Variants in INTS6L observed in about 807,000 individuals in gnomAD.
INTS6L encodes the protein integrator complex subunit 6-like.
INTS6L carries 18 observed loss-of-function variants against 64.7 expected under a neutral mutation model. The observed-to-expected ratio is 0.28, with a 90% CI of 0.19 to 0.41. INTS6L has a LOEUF of 0.41. Among genes scored for constraint, INTS6L ranks in the 10% least tolerant of loss-of-function variants. The probability of loss-of-function intolerance (pLI) is 1.00; values close to 1 mark genes in which losing one functional copy is unlikely to be tolerated. For synonymous variants in INTS6L, 227 were observed against 235.9 expected (o/e 0.96, Z 0.34); for missense variants, 533 against 661.0 (o/e 0.81, Z 2.12).
intron 9 of INTS6L, among the ~76,000 whole-genome samples, chrX:135,559,648 A>G (rs1324108803): frequency 2.7e-5 from 3 of 112,548 alleles, no homozygotes; most frequent in Admixed American, 9.4e-5. Flanking sequence ...TCTATGAGAT[A>G]AATGCCCAGG....
At chrX:135,566,861 A>G (rs1602984557) in intron 9 of INTS6L, among the ~76,000 whole-genome samples, 1 of 111,729 alleles carries the variant, frequency 9.0e-6, no homozygotes, top group Non-Finnish European at 1.9e-5. Flanking sequence ...AGAACTGAGG[A>G]CTTGTGTAAA....
At chrX:135,548,803 A>G (rs1408283884) in intron 6 of INTS6L, among the ~76,000 whole-genome samples, 1 of 112,221 alleles carries the variant, frequency 8.9e-6, no homozygotes, top group Non-Finnish European at 1.9e-5. Flanking sequence ...ATTTAAGAAA[A>G]ATGAGACTCA....
intron 2 of INTS6L, among the ~76,000 whole-genome samples, chrX:135,542,182 T>G (rs1381127944): frequency 9.0e-6 from 1 of 111,413 alleles, no homozygotes; most frequent in African/African-American, 3.3e-5. Flanking sequence ...ACAAACAATG[T>G]CAGAGATTTA....
At chrX:135,523,259 G>A (rs916657920) in intron 2 of INTS6L, among the ~76,000 whole-genome samples, 2 of 109,576 alleles carry the variant, frequency 1.8e-5, no homozygotes, top group Non-Finnish European at 3.8e-5. Flanking sequence ...AAAAACGGCC[G>A]GATGTGGTGG....
At chrX:135,534,208 G>C (rs1373505349) in intron 2 of INTS6L, among the ~76,000 whole-genome samples, 5 of 108,275 alleles carry the variant, frequency 4.6e-5, no homozygotes, top group Non-Finnish European at 9.5e-5. Flanking sequence ...TTGTTTATAT[G>C]CTTAAAAAAC....
intron 2 of INTS6L, among the ~76,000 whole-genome samples, chrX:135,524,115 T>C (rs1556499667): frequency 1.8e-5 from 2 of 111,848 alleles, no homozygotes; most frequent in Non-Finnish European, 3.8e-5. Flanking sequence ...CTTCAATCAC[T>C]CTCCTGCCAG....
In INTS6L at chrX:135,546,607, T is replaced by C. The variant is rs181946201; in HGVS notation, c.430-95T>C. On this transcript the variant is annotated intron_variant, in intron 4 of 17. Transcript: ENST00000639893. ...ATCCTTGAAAGACTGCTTAATTTTA[T>C]TGAGTTACATGAAAGAAAAAGTCAA... 161 of 1,042,337 alleles carry C rather than the reference T, an allele frequency of 1.5e-4. 1 individual carries two copies. The East Asian group carries it at 3.5e-3, about 22-fold the overall frequency. The allele number at this position is 1,042,337 out of a possible 1,213,427, so 85.9% of individuals were successfully genotyped here.
At position 135,574,915 on chromosome X, in the gene INTS6L, T is replaced by G. The variant is rs185773837; in HGVS notation, c.1742-169T>G. Among the ~76,000 whole-genome samples the G allele has an allele frequency of 9.8e-5, 11 of 112,365 alleles. No individual in the cohort carries two copies. The East Asian group carries it at 2.8e-3, about 29-fold the overall frequency. ...GCAGTAGTAACGGTAGACTAAGTTA[T>G]GATTGGGATGAAGAGAGATGATTCT... On this transcript the variant is annotated intron_variant, in intron 13 of 17. Transcript: ENST00000639893.
At chrX:135,533,993 G>C (rs988521536) in intron 2 of INTS6L, among the ~76,000 whole-genome samples, 2 of 110,722 alleles carry the variant, frequency 1.8e-5, no homozygotes, top group African/African-American at 6.6e-5. Context: ...CAGTGCAATT[G>C]ACTTTTGGAG....
At chrX:135,548,701 T>C (rs781785233) in intron 6 of INTS6L, among the ~76,000 whole-genome samples, 1 of 111,245 alleles carries the variant, frequency 9.0e-6, no homozygotes, top group African/African-American at 3.3e-5. Flanking sequence ...ACACTTTTTT[T>C]CCCTACTGCA....
At chrX:135,541,149 G>A (rs17283983) in intron 2 of INTS6L, among the ~76,000 whole-genome samples, 2 of 111,070 alleles carry the variant, frequency 1.8e-5, no homozygotes, top group African/African-American at 6.6e-5. Flanking sequence ...GTCACTATCA[G>A]ACTGATTTTC....
chrX:135,560,440 C>T (rs1321611839), intron 9 of INTS6L, among the ~76,000 whole-genome samples: 1 of 112,136 alleles, frequency 8.9e-6, no homozygotes, highest in Non-Finnish European at 1.9e-5. Flanking sequence ...GAACTTCCAG[C>T]ACTGTGTTTA....
intron 2 of INTS6L, among the ~76,000 whole-genome samples, chrX:135,522,540 A>C (rs1247641468): frequency 1.8e-5 from 2 of 111,955 alleles, no homozygotes; most frequent in African/African-American, 6.5e-5. Flanking sequence ...ATACTACCAC[A>C]ATCCTTGACG....
chrX:135,550,430 C>CTTTTTT (rs35317599), intron 7 of INTS6L, among the ~76,000 whole-genome samples: 1 of 86,880 alleles, frequency 1.2e-5, no homozygotes, highest in African/African-American at 4.2e-5. Context: ...GATCAATTGG[C>CTTTTTT]TTTTTTTTTT....
chrX:135,573,907 G>C (rs941737580), intron 12 of INTS6L, 32 bp from the exon 13 acceptor site: 1 of 1,169,982 alleles, frequency 8.5e-7, no homozygotes. Flanking sequence ...AGCCTTAGGA[G>C]TAACTGAAAT....
At position 135,579,729 on chromosome X, in the gene INTS6L, C is replaced by T; in HGVS notation, c.2120-59C>T. ...AGAAATTGAGCATCAGAGGGATATA[C>T]CTGTGGGGTTGACATAATACCCTTA... On this transcript the variant is annotated intron_variant, in intron 15 of 17. Transcript: ENST00000639893. 5 of 1,122,736 alleles carry T rather than the reference C, an allele frequency of 4.5e-6. No individual in the cohort carries two copies. The South Asian group carries it at 1.2e-4, about 26-fold the overall frequency. The allele number at this position is 1,122,736 out of a possible 1,213,427, so 92.5% of individuals were successfully genotyped here.
chrX:135,576,119 G>C, intron 14 of INTS6L, among the ~76,000 whole-genome samples: 1 of 111,203 alleles, frequency 9.0e-6, no homozygotes, highest in Non-Finnish European at 1.9e-5. Context: ...TTGAGGTTGG[G>C]AGTTTGAGAC....
chrX:135,574,171 T>A, intron 13 of INTS6L, 109 bp downstream of exon 13: 1 of 907,972 alleles, frequency 1.1e-6, no homozygotes. Flanking sequence ...TATTTTAATG[T>A]TTAAAATGCC....
At chrX:135,539,515 C>T (rs1346123548) in intron 2 of INTS6L, among the ~76,000 whole-genome samples, 2 of 111,669 alleles carry the variant, frequency 1.8e-5, no homozygotes, top group Non-Finnish European at 3.8e-5. Context: ...TCCATCTCGG[C>T]AATGTGGCTG....
Sources: gnomAD v4.1 joint callset for allele counts (sites outside exome capture counted in the v4.1 genomes callset) on GRCh38, gnomAD v4.1.1 for gene constraint, MANE v1.5 for transcripts, NCBI Gene and HGNC (gene_info 2026-07-23, HGNC 2026-07-21) for gene names.